Variants in CNTN3 observed in about 807,000 individuals in gnomAD.
CNTN3 encodes the protein contactin 3, also known as contactin-3.
In CNTN3, 60 loss-of-function variants were observed where a neutral mutation model predicts 119.1. That is an observed-to-expected ratio of 0.50 (90% CI 0.41 to 0.62). CNTN3 has a LOEUF of 0.62. CNTN3 is among the 20% of genes least tolerant of loss of function. CNTN3 has a pLI of 0.00. For synonymous variants in CNTN3, 450 were observed against 438.7 expected, an observed-to-expected ratio of 1.03 and a Z score of -0.32; for missense variants, 1,101 against 1,242.4, an observed-to-expected ratio of 0.89 and a Z score of 1.71.
At chr3:74,315,061 G>T (rs907971913) in intron 13 of CNTN3, among the ~76,000 whole-genome samples, 5 of 152,190 alleles carry the variant, frequency 3.3e-5, no homozygotes, top group Non-Finnish European at 7.3e-5. Flanking sequence ...CAATAAAAGT[G>T]ACCTTTGGTC....
intron 5 of CNTN3, among the ~76,000 whole-genome samples, chr3:74,383,446 T>A (rs932864710): frequency 6.6e-6 from 1 of 152,156 alleles, no homozygotes; most frequent in African/African-American, 2.4e-5. Flanking sequence ...AGGAATTCTA[T>A]AATACTATAT....
At chr3:74,431,911 T>C (rs1701789902) in intron 4 of CNTN3, among the ~76,000 whole-genome samples, 1 of 152,226 alleles carries the variant, frequency 6.6e-6, no homozygotes, top group Non-Finnish European at 1.5e-5. Flanking sequence ...TGAGCCTTAC[T>C]ACTTGTATAA....
chr3:74,458,615 C>T (rs7615326), intron 4 of CNTN3, among the ~76,000 whole-genome samples: 79,708 of 151,650 alleles, frequency 0.53, 21,369 homozygotes, highest in Non-Finnish European at 0.57. Context: ...CTGTATGATT[C>T]TATTTATATG....
chr3:74,308,087 T>A, intron 13 of CNTN3, among the ~76,000 whole-genome samples: 1 of 152,178 alleles, frequency 6.6e-6, no homozygotes, highest in East Asian at 1.9e-4. Context: ...TGGTTGGCGT[T>A]TTCCTCTGTA....
In CNTN3 at chr3:74,543,121, C is replaced by A. The variant is rs116216080; in HGVS notation, c.-80-21929G>T. On this transcript the variant is annotated intron_variant, in intron 1 of 22. Coordinates refer to ENST00000263665, the MANE Select transcript of CNTN3 (RefSeq NM_020872.3). Reference sequence around the variant, plus strand: ...CTCCACCCTGGGCAACTGAGCAAGACCTTGTCTCAAATAACAAAAAAAAAA... The same window carrying A: ...CTCCACCCTGGGCAACTGAGCAAGAACTTGTCTCAAATAACAAAAAAAAAA... Among the ~76,000 whole-genome samples the A allele has an allele frequency of 2.2e-3, 336 of 152,012 alleles. 4 individuals carry two copies. The highest frequency in any genetic ancestry group is 7.5e-3 in the African/African-American group (313 of 41,460).
chr3:74,445,657 C>A (rs971121715), intron 4 of CNTN3, among the ~76,000 whole-genome samples: 3 of 152,158 alleles, frequency 2.0e-5, no homozygotes, highest in African/African-American at 7.2e-5. Context: ...GAAAGTAATG[C>A]ATTTCATATA....
intron 5 of CNTN3, among the ~76,000 whole-genome samples, chr3:74,383,760 T>C (rs904781040): frequency 1.3e-5 from 2 of 152,152 alleles, no homozygotes; most frequent in African/African-American, 4.8e-5. Flanking sequence ...GCTGGGATTA[T>C]AGGTATGAGC....
At position 74,263,898 on chromosome 3, in the gene CNTN3, T is replaced by C. The variant is rs990906428; in HGVS notation, c.*503A>G. 6 of 152,098 alleles carry C rather than the reference T, an allele frequency of 3.9e-5. No individual in the cohort carries two copies. Among genetic ancestry groups the C allele is most frequent in the African/African-American group, 1.4e-4 (6 of 41,440 alleles). The allele number at this position is 152,098 out of a possible 1,614,324, so 9.4% of individuals were successfully genotyped here. ...GCCCCACAGTAGCATTTTCCAACAA[T>C]GCTCTTTTGAATCACATGCCACTCC... is the stretch of plus-strand genomic sequence containing the variant. On this transcript the variant is annotated 3_prime_UTR_variant, in exon 23 of 23. Transcript: ENST00000263665.
intron 5 of CNTN3, among the ~76,000 whole-genome samples, chr3:74,393,507 G>C (rs7621109): frequency 0.62 from 94,110 of 152,026 alleles, 29,789 homozygotes; most frequent in African/African-American, 0.73. Flanking sequence ...ATGATTTGCA[G>C]AGGGAGTGTT....
chr3:74,507,162 T>A (rs1471775622), intron 2 of CNTN3, among the ~76,000 whole-genome samples: 1 of 152,200 alleles, frequency 6.6e-6, no homozygotes, highest in Non-Finnish European at 1.5e-5. Flanking sequence ...CTCACATCTA[T>A]AATCACAGCA....
intron 1 of CNTN3, among the ~76,000 whole-genome samples, chr3:74,590,446 G>A (rs1416703387): frequency 1.3e-5 from 2 of 151,934 alleles, no homozygotes; most frequent in Non-Finnish European, 2.9e-5. Flanking sequence ...GAAGAAGAAC[G>A]GGTGGTGAAT....
At chr3:74,267,748 ACGT>A (rs1395735033) in intron 20 of CNTN3, among the ~76,000 whole-genome samples, 3 of 152,100 alleles carry the variant, frequency 2.0e-5, no homozygotes, top group Admixed American at 1.3e-4. Flanking sequence ...CGTTGAAAAC[ACGT>A]CGATGGGGGG....
chr3:74,384,147 T>C (rs185663353), intron 5 of CNTN3, among the ~76,000 whole-genome samples: 53 of 152,368 alleles, frequency 3.5e-4, no homozygotes, highest in African/African-American at 1.2e-3. Context: ...ATTTTCTTTC[T>C]GTTTATATTT....
chr3:74,518,871 C>A (rs77336053), intron 2 of CNTN3, among the ~76,000 whole-genome samples: 3,287 of 151,844 alleles, frequency 0.022, 122 homozygotes, highest in African/African-American at 0.071. Context: ...AACAAGCAGC[C>A]CAAATATGTG....
intron 5 of CNTN3, among the ~76,000 whole-genome samples, chr3:74,418,953 G>A (rs1366486491): frequency 6.6e-6 from 1 of 150,654 alleles, no homozygotes; most frequent in East Asian, 2.0e-4. Flanking sequence ...ACCATGCCTG[G>A]ATAATTTTTT....
intron 5 of CNTN3, among the ~76,000 whole-genome samples, chr3:74,382,445 A>T (rs1430289083): frequency 6.6e-6 from 1 of 152,100 alleles, no homozygotes; most frequent in Non-Finnish European, 1.5e-5. Flanking sequence ...AGTTCCATAG[A>T]TCTCAAAAAC....
chr3:74,338,215 C>A (rs1575735995), intron 11 of CNTN3, among the ~76,000 whole-genome samples: 2 of 151,864 alleles, frequency 1.3e-5, no homozygotes, highest in Non-Finnish European at 2.9e-5. Flanking sequence ...AATTCTGGGC[C>A]ATTCAGTAGA....
chr3:74,540,286 T>G (rs2107146327), intron 1 of CNTN3, among the ~76,000 whole-genome samples: 1 of 152,274 alleles, frequency 6.6e-6, no homozygotes, highest in South Asian at 2.1e-4. Flanking sequence ...TAAGGAACAG[T>G]TTTAGATTCT....
intron 5 of CNTN3, among the ~76,000 whole-genome samples, chr3:74,402,533 T>C (rs1384518373): frequency 6.6e-6 from 1 of 152,132 alleles, no homozygotes; most frequent in Non-Finnish European, 1.5e-5. Context: ...GCAAATGACA[T>C]TGTTAGCATT....
Sources: gnomAD v4.1 joint callset for allele counts (sites outside exome capture counted in the v4.1 genomes callset) on GRCh38, gnomAD v4.1.1 for gene constraint, MANE v1.5 for transcripts, NCBI Gene and HGNC (gene_info 2026-07-23, HGNC 2026-07-21) for gene names.